PTPRD: variants seen among roughly 807,000 people sequenced by gnomAD.
The protein encoded by PTPRD is protein tyrosine phosphatase receptor type D, also known as receptor-type tyrosine-protein phosphatase delta.
A neutral mutation model predicts 214.5 loss-of-function variants in PTPRD; 34 were observed. The observed-to-expected ratio is 0.16, with a 90% confidence interval of 0.12 to 0.21. The LOEUF (loss-of-function observed/expected upper bound fraction) is 0.21, where lower values mean the gene tolerates loss of function less well. Ranked by LOEUF, PTPRD falls within the 10% of genes least tolerant of loss-of-function variation. PTPRD has a pLI of 1.00. For synonymous variants in PTPRD, 1,128 were observed against 845.7 expected, an observed-to-expected ratio of 1.33 and a Z score of -5.79; for missense variants, 2,545 against 2,398.7, an observed-to-expected ratio of 1.06 and a Z score of -1.27.
chr9:8,820,754 A>G (rs1189716758), intron 11 of PTPRD, among the ~76,000 whole-genome samples: 1 of 152,082 alleles, frequency 6.6e-6, no homozygotes, highest in Non-Finnish European at 1.5e-5. Context: ...CTTTTTGTGT[A>G]TGTATATATG....
chr9:8,734,139 T>C (rs2098691524), intron 11 of PTPRD, among the ~76,000 whole-genome samples, 193 bp from the exon 12 acceptor site: 1 of 152,206 alleles, frequency 6.6e-6, no homozygotes, highest in South Asian at 2.1e-4. Context: ...GTAGGAGTCT[T>C]AGACTATCCG....
chr9:8,816,503 C>T (rs1600722407), intron 11 of PTPRD, among the ~76,000 whole-genome samples: 1 of 152,252 alleles, frequency 6.6e-6, no homozygotes, highest in African/African-American at 2.4e-5. Context: ...CACAAAACAG[C>T]GTTTAGGAAA....
chr9:10,008,638 C>T (rs1212452583), intron 4 of PTPRD, among the ~76,000 whole-genome samples: 1 of 151,690 alleles, frequency 6.6e-6, no homozygotes, highest in Non-Finnish European at 1.5e-5. Flanking sequence ...CTGTCTCATC[C>T]TTCCTTATTT....
At chr9:10,581,188 C>A (rs895214840) in intron 2 of PTPRD, among the ~76,000 whole-genome samples, 3 of 152,098 alleles carry the variant, frequency 2.0e-5, no homozygotes, top group Admixed American at 2.0e-4. Flanking sequence ...CTAGGAAGTA[C>A]TTATAACGCT....
chr9:9,385,903 T>C (rs929669449), intron 9 of PTPRD, among the ~76,000 whole-genome samples: 1 of 152,190 alleles, frequency 6.6e-6, no homozygotes, highest in African/African-American at 2.4e-5. Context: ...TCTTATGTTC[T>C]TTTAAAATAT....
rs1176394314 is a variant in PTPRD at position 9,580,547 on chromosome 9, C to CTTTTTTTTTTT, written c.-286-5777_-286-5767dup. ...TCATGTCCTTAGCTTACTTTATTTT[C>CTTTTTTTTTTT]TTTTTTTTTTTTTTTTTTTGAGACA... On this transcript the variant is annotated intron_variant, in intron 7 of 45. Transcript: ENST00000381196. Among the ~76,000 whole-genome samples the CTTTTTTTTTTT allele has an allele frequency of 3.3e-5, 4 of 123,070 alleles. 1 individual carries two copies. The highest frequency in any genetic ancestry group is 3.1e-5 in the African/African-American group (1 of 32,180). The allele number at this position is 123,070 out of a possible 152,430, so 80.7% of individuals were successfully genotyped here.
intron 2 of PTPRD, among the ~76,000 whole-genome samples, chr9:10,473,428 C>A (rs968519024): frequency 5.3e-5 from 8 of 152,028 alleles, no homozygotes; most frequent in Non-Finnish European, 1.0e-4. Flanking sequence ...TATTAATTGA[C>A]AATAGTGAAC....
intron 9 of PTPRD, among the ~76,000 whole-genome samples, chr9:9,197,349 A>G (rs1352602429): frequency 6.6e-6 from 1 of 152,204 alleles, no homozygotes; most frequent in East Asian, 1.9e-4. Context: ...AACTTCTTTG[A>G]CTGGTGGTCG....
intron 10 of PTPRD, among the ~76,000 whole-genome samples, chr9:9,137,803 A>G (rs1237646807): frequency 1.3e-5 from 2 of 152,174 alleles, no homozygotes; most frequent in African/African-American, 2.4e-5. Flanking sequence ...ATGAGGTTGC[A>G]CAAGCCACAA....
chr9:10,574,929 A>G (rs12344079), intron 2 of PTPRD, among the ~76,000 whole-genome samples: 8,590 of 151,782 alleles, frequency 0.057, 404 homozygotes, highest in Middle Eastern at 0.12. Context: ...AAGACTTTCT[A>G]AAAGTATTTG....
chr9:9,556,313 G>C (rs1460476831), intron 8 of PTPRD, among the ~76,000 whole-genome samples: 4 of 152,140 alleles, frequency 2.6e-5, no homozygotes, highest in Non-Finnish European at 5.9e-5. Context: ...AGGAGGAAGA[G>C]GAGGGGTTGG....
intron 3 of PTPRD, among the ~76,000 whole-genome samples, chr9:10,059,815 T>C (rs1049934358): frequency 6.6e-6 from 1 of 151,448 alleles, no homozygotes; most frequent in Non-Finnish European, 1.5e-5. Context: ...TACCTGTGGA[T>C]ATTTTAAGAG....
At chr9:9,673,197 C>T (rs561188786) in intron 7 of PTPRD, among the ~76,000 whole-genome samples, 1 of 151,960 alleles carries the variant, frequency 6.6e-6, no homozygotes, top group African/African-American at 2.4e-5. Flanking sequence ...ATTTTTAAAA[C>T]TCCTAATAGC....
chr9:9,591,522 GA>G (rs2092728372), intron 7 of PTPRD, among the ~76,000 whole-genome samples: 1 of 151,996 alleles, frequency 6.6e-6, no homozygotes, highest in Non-Finnish European at 1.5e-5. Flanking sequence ...CTAACCTACA[GA>G]ACTATGACAT....
chr9:10,041,371 TA>T (rs1308585484), intron 3 of PTPRD, among the ~76,000 whole-genome samples: 1 of 151,880 alleles, frequency 6.6e-6, no homozygotes, highest in Non-Finnish European at 1.5e-5. Context: ...TCTAGGAAAA[TA>T]AGGCCTAAAA....
intron 12 of PTPRD, chr9:8,713,586 C>G: frequency 6.6e-7 from 1 of 1,518,936 alleles, no homozygotes; most frequent in Non-Finnish European, 9.1e-7. Context: ...GCACCCACAA[C>G]ATGTACCGGG....
intron 11 of PTPRD, among the ~76,000 whole-genome samples, chr9:8,863,017 GTAAC>G (rs1179697555): frequency 1.3e-5 from 2 of 152,082 alleles, no homozygotes; most frequent in African/African-American, 2.4e-5. Context: ...GTATACGTAT[GTAAC>G]TAACCTGCAC....
intron 11 of PTPRD, among the ~76,000 whole-genome samples, chr9:8,880,616 C>A (rs943651735): frequency 5.3e-5 from 8 of 152,140 alleles, no homozygotes; most frequent in Non-Finnish European, 1.0e-4. Flanking sequence ...AGGTATACTG[C>A]ACCTTTTTTT....
intron 8 of PTPRD, among the ~76,000 whole-genome samples, chr9:9,524,948 T>C (rs971913825): frequency 7.2e-5 from 11 of 152,076 alleles, no homozygotes; most frequent in South Asian, 4.1e-4. Flanking sequence ...AGCTCCGCCT[T>C]CCAGGTTCAC....
Sources: allele counts gnomAD v4.1 joint callset (sites outside exome capture counted in the v4.1 genomes callset), GRCh38; gene constraint gnomAD v4.1.1; transcripts MANE v1.5; gene names NCBI Gene and HGNC (gene_info 2026-07-23, HGNC 2026-07-21).